The following SLC38A1 variants were observed in gnomAD, a reference collection of about 807,000 sequenced individuals.
The protein encoded by SLC38A1 is solute carrier family 38 member 1.
In SLC38A1, 18 loss-of-function variants were observed where a neutral mutation model predicts 60.3. That is an observed-to-expected ratio of 0.30 (90% CI 0.21 to 0.44). The LOEUF is 0.44. Among genes scored for constraint, SLC38A1 ranks in the 20% least tolerant of loss-of-function variants. SLC38A1 has a pLI of 1.00. For synonymous variants in SLC38A1, 196 were observed against 212.1 expected, an observed-to-expected ratio of 0.92 and a Z score of 0.66; for missense variants, 448 against 587.2, an observed-to-expected ratio of 0.76 and a Z score of 2.45.
intron 6 of SLC38A1, among the ~76,000 whole-genome samples, chr12:46,208,190 G>A (rs1265766550): frequency 6.6e-6 from 1 of 152,172 alleles, no homozygotes; most frequent in African/African-American, 2.4e-5. Flanking sequence ...ACTCACAAAA[G>A]AGAGCAGAAG....
rs983148424 is a variant in SLC38A1, at chr12:46,188,381, G to T, written c.*589C>A. 1 of 152,630 alleles carries T rather than the reference G, an allele frequency of 6.6e-6. No individual in the cohort carries two copies. Among genetic ancestry groups the T allele is most frequent in the East Asian group, 1.9e-4 (1 of 5,204 alleles). The allele number at this position is 152,630 out of a possible 1,614,324, so 9.5% of individuals were successfully genotyped here. On this transcript the variant is annotated 3_prime_UTR_variant, in exon 17 of 17. Coordinates refer to ENST00000398637, the MANE Select transcript of SLC38A1 (RefSeq NM_030674.4). ...TGGACTACCCGAGTTCAGCTGCCAG[G>T]AAATCAGAGCCACCTCAAATATTGG...
intron 9 of SLC38A1, among the ~76,000 whole-genome samples, chr12:46,204,953 T>C (rs1029592926): frequency 6.6e-6 from 1 of 152,238 alleles, no homozygotes; most frequent in Non-Finnish European, 1.5e-5. Context: ...TGGAGTCCTA[T>C]GGGCAAACCC....
chr12:46,236,471 C>A (rs73103118), intron 3 of SLC38A1, among the ~76,000 whole-genome samples: 1,668 of 152,058 alleles, frequency 0.011, 11 homozygotes, highest in Non-Finnish European at 0.018. Flanking sequence ...TATTATTATC[C>A]CCATCTTAAA....
chr12:46,225,080 C>T (rs12833767), intron 5 of SLC38A1, among the ~76,000 whole-genome samples: 40,336 of 151,980 alleles, frequency 0.27, 6,581 homozygotes, highest in South Asian at 0.43. Flanking sequence ...CGTAAAGCTG[C>T]TAGGATAAAA....
chr12:46,197,258 G>A (rs1297993469), intron 16 of SLC38A1: 1 of 156,724 alleles, frequency 6.4e-6, no homozygotes, highest in Non-Finnish European at 1.4e-5. Context: ...GGGAGGCCGA[G>A]GCAGACGGAT....
chr12:46,217,070 T>C (rs767357175), intron 5 of SLC38A1, among the ~76,000 whole-genome samples: 2 of 152,246 alleles, frequency 1.3e-5, no homozygotes, highest in Non-Finnish European at 2.9e-5. Context: ...TAAAACACTT[T>C]ACTGATCATT....
chr12:46,204,638 A>C, intron 9 of SLC38A1, 48 bp from the exon 10 acceptor site: 1 of 1,493,914 alleles, frequency 6.7e-7, no homozygotes, highest in Non-Finnish European at 9.1e-7. Flanking sequence ...TTCCATTTTT[A>C]AAAATTTTGG....
chr12:46,219,388 CT>C (rs1228044438), intron 5 of SLC38A1, among the ~76,000 whole-genome samples: 2 of 152,222 alleles, frequency 1.3e-5, no homozygotes, highest in Non-Finnish European at 2.9e-5. Flanking sequence ...ACAATGTACA[CT>C]TTACAACTAT....
At chr12:46,238,388 A>G (rs566024402) in intron 3 of SLC38A1, among the ~76,000 whole-genome samples, 2 of 152,372 alleles carry the variant, frequency 1.3e-5, no homozygotes, top group Admixed American at 1.3e-4. Context: ...GCTAAATCCT[A>G]TGCTGGGCTT....
rs1175905343 is a variant in SLC38A1 at position 46,186,358 on chromosome 12, C to T, written c.*2612G>A. On this transcript the variant is annotated 3_prime_UTR_variant, in exon 17 of 17. Coordinates refer to ENST00000398637, the MANE Select transcript of SLC38A1 (RefSeq NM_030674.4). The stretch of plus-strand genomic sequence containing the variant: ...ACTGTTCACTAGTATAGAGATCCTA[C>T]CTACCAAAGGAAAACGTGCTGCTCC... 2.0e-5 allele frequency: 3 copies of T among 152,310 alleles called. No homozygotes were observed. The highest frequency in any genetic ancestry group is 1.9e-4 in the East Asian group (1 of 5,188). The allele number at this position is 152,310 out of a possible 1,614,324, so 9.4% of individuals were successfully genotyped here. A position where few individuals can be genotyped will look rare whatever the true frequency, so the allele number is the denominator to read the frequency against.
chr12:46,242,504 G>A (rs1941479098), intron 2 of SLC38A1, among the ~76,000 whole-genome samples: 2 of 152,028 alleles, frequency 1.3e-5, no homozygotes, highest in Admixed American at 6.6e-5. Flanking sequence ...GGGCATGGTG[G>A]CTCATATTTG....
intron 16 of SLC38A1, among the ~76,000 whole-genome samples, chr12:46,193,589 G>T (rs931661060): frequency 9.2e-5 from 14 of 152,256 alleles, no homozygotes; most frequent in Admixed American, 7.9e-4. Context: ...GGTCTCTAAG[G>T]ACTTGCTTTA....
chr12:46,241,077 A>G (rs867891626), intron 2 of SLC38A1, among the ~76,000 whole-genome samples: 1 of 152,188 alleles, frequency 6.6e-6, no homozygotes, highest in Non-Finnish European at 1.5e-5. Flanking sequence ...CGTATAATGC[A>G]TGGGGAGCCT....
In SLC38A1 at chr12:46,187,937, A is replaced by G. The variant is rs1453588809; in HGVS notation, c.*1033T>C. On this transcript the variant is annotated 3_prime_UTR_variant, in exon 17 of 17. Coordinates refer to ENST00000398637, the MANE Select transcript of SLC38A1 (RefSeq NM_030674.4). ...TAAAGACTTCCCTAAAATACTCAAT[A>G]TAAAACAGGAGTTACTTATCCTAGA... is the stretch of plus-strand genomic sequence containing the variant. 6.6e-6 allele frequency: 1 copy of G among 152,192 alleles called. No individual in the cohort carries two copies. The highest frequency in any genetic ancestry group is 2.4e-5 in the African/African-American group (1 of 41,450). 9.4% of individuals were successfully genotyped at this position (152,192 alleles called of 1,614,324 possible).
chr12:46,212,181 C>T (rs1236206531), intron 5 of SLC38A1, among the ~76,000 whole-genome samples: 1 of 152,142 alleles, frequency 6.6e-6, no homozygotes, highest in African/African-American at 2.4e-5. Context: ...AAGGTGTTGA[C>T]TTGTTTGAAC....
At chr12:46,250,926 T>C (rs1195015144) in intron 1 of SLC38A1, among the ~76,000 whole-genome samples, 3 of 152,282 alleles carry the variant, frequency 2.0e-5, no homozygotes, top group African/African-American at 7.2e-5. Flanking sequence ...CCCAAGGTAA[T>C]GTATAGATTC....
intron 5 of SLC38A1, among the ~76,000 whole-genome samples, chr12:46,219,961 A>ACG (rs1439216467): frequency 6.6e-6 from 1 of 152,178 alleles, no homozygotes; most frequent in African/African-American, 2.4e-5. Context: ...GCACACACAC[A>ACG]CGCACACACA....
In SLC38A1 at chr12:46,216,255, A is replaced by C. The variant is rs1940406529; in HGVS notation, c.315-7128T>G. ...AATACCTGTATAAAGATTTGAAAAC[A>C]TTGTTGAAGAGACTAGAACACTAGC... On this transcript the variant is annotated intron_variant, in intron 5 of 16. Transcript: ENST00000398637. 2.6e-5 allele frequency among the ~76,000 whole-genome samples: 4 copies of C among 152,246 alleles called. No homozygotes were observed. The East Asian group carries it at 7.7e-4, about 29-fold the overall frequency.
intron 3 of SLC38A1, among the ~76,000 whole-genome samples, chr12:46,237,348 C>A (rs1941294960): frequency 6.6e-6 from 1 of 152,196 alleles, no homozygotes; most frequent in Non-Finnish European, 1.5e-5. Context: ...CCAGATAACC[C>A]AGTAGGGACC....
Sources: gnomAD v4.1 joint callset for allele counts (sites outside exome capture counted in the v4.1 genomes callset) on GRCh38, gnomAD v4.1.1 for gene constraint, MANE v1.5 for transcripts, NCBI Gene and HGNC (gene_info 2026-07-23, HGNC 2026-07-21) for gene names.